The following MMP28 variants were observed in gnomAD, a reference collection of about 807,000 sequenced individuals.
The protein encoded by MMP28 is matrix metallopeptidase 28.
In MMP28, 55 loss-of-function variants were observed where a neutral mutation model predicts 60.5. The observed-to-expected ratio is 0.91, with a 90% CI of 0.73 to 1.14. The LOEUF (loss-of-function observed/expected upper bound fraction) is 1.14, where lower values mean the gene tolerates loss of function less well. Among genes scored for constraint, MMP28 ranks in the 50% most tolerant of loss-of-function variants. MMP28 has a pLI of 0.00. For missense variants in MMP28, 686 were observed against 738.3 expected (o/e 0.93, Z 0.82); for synonymous variants, 318 against 312.5 (o/e 1.02, Z -0.18).
intron 3 of MMP28, among the ~76,000 whole-genome samples, chr17:35,774,411 G>T (rs1386498373): frequency 6.6e-6 from 1 of 152,196 alleles, no homozygotes; most frequent in African/African-American, 2.4e-5. Context: ...CAAGGGGCCT[G>T]CCCAGGGTCC....
At chr17:35,778,743 C>T in intron 3 of MMP28, 145 bp downstream of exon 3, 1 of 1,516,334 alleles carries the variant, frequency 6.6e-7, no homozygotes, top group East Asian at 2.3e-5. Context: ...GTCCTCAAGC[C>T]AAGAGGTCCT....
intron 1 of MMP28, among the ~76,000 whole-genome samples, chr17:35,790,909 G>A (rs983871454): frequency 3.4e-5 from 5 of 146,126 alleles, no homozygotes; most frequent in African/African-American, 7.7e-5. Context: ...TTTTTTAAAT[G>A]TGTAGAGACA....
downstream of MMP28, among the ~76,000 whole-genome samples, chr17:35,763,115 C>A (rs2085856587): frequency 1.4e-5 from 2 of 139,820 alleles, no homozygotes; most frequent in South Asian, 4.7e-4. Context: ...GAGCGAGACT[C>A]CGTCTCCAAA....
chr17:35,792,212 T>C (rs2086834160), intron 1 of MMP28, among the ~76,000 whole-genome samples: 1 of 152,094 alleles, frequency 6.6e-6, no homozygotes, highest in African/African-American at 2.4e-5. Context: ...TCCCTCCCCT[T>C]GAACCTGGGA....
chr17:35,756,444 A>C, intron 2 of MMP28: 1 of 982,170 alleles, frequency 1.0e-6, no homozygotes, highest in Non-Finnish European at 1.2e-6. Context: ...AACAGAGAGG[A>C]CGGAATGCAC....
intron 1 of MMP28, among the ~76,000 whole-genome samples, chr17:35,787,412 G>A (rs1483314412): frequency 6.6e-6 from 1 of 152,108 alleles, no homozygotes; most frequent in Non-Finnish European, 1.5e-5. Context: ...TTTATTTTGG[G>A]TAAAGGCTTC....
downstream of MMP28, chr17:35,764,614 C>T (rs182240810): frequency 3.1e-4 from 489 of 1,579,140 alleles, 1 homozygote; most frequent in South Asian, 7.8e-4. Context: ...GCTGGGAACT[C>T]CTGAGCGCCC....
chr17:35,764,239 G>A (rs983643472), downstream of MMP28: 2 of 1,542,552 alleles, frequency 1.3e-6, no homozygotes, highest in Admixed American at 3.9e-5. Context: ...CCCAGCAGGT[G>A]GCGCTGCTGC....
At chr17:35,781,880 G>A (rs2086512941) in intron 1 of MMP28, among the ~76,000 whole-genome samples, 1 of 151,518 alleles carries the variant, frequency 6.6e-6, no homozygotes, top group Non-Finnish European at 1.5e-5. Context: ...ATGTTTTAGA[G>A]ATGGGGGTCT....
In MMP28 at chr17:35,766,470, A is replaced by G. The variant is rs1555603160; in HGVS notation, c.*30T>C. ...GGGAACATGATTTTGCCCTGAGAGC[A>G]CCACCAGTTTCTGAGGTGAGGAGGT... On this transcript the variant is annotated 3_prime_UTR_variant, in exon 8 of 8. Transcript: ENST00000605424. This position sits in a 1 kb window ranked among gnomAD's most constrained non-coding sequence, Gnocchi z 4.3. 2 of 1,544,748 alleles carry G rather than the reference A, an allele frequency of 1.3e-6. No homozygotes were observed. Among genetic ancestry groups the G allele is most frequent in the South Asian group, 1.2e-5 (1 of 83,888 alleles).
rs993645337 is a variant in MMP28, at chr17:35,756,969, G to A, written c.266-550C>T. On this transcript the variant is annotated intron_variant, in intron 2 of 2. Coordinates refer to the MMP28 transcript ENST00000615317. ...TCCCAGCACTTTAGGAAGCCAAGGC[G>A]GGCAGATCACTTGAGGTCAGGAGCT... Among the ~76,000 whole-genome samples, 7 of 151,810 alleles carry A rather than the reference G, an allele frequency of 4.6e-5. No homozygotes were observed. In the East Asian group the frequency reaches 5.9e-4, roughly 13 times the overall value.
At chr17:35,785,637 T>A (rs2086625184) in intron 1 of MMP28, among the ~76,000 whole-genome samples, 1 of 152,032 alleles carries the variant, frequency 6.6e-6, no homozygotes, top group South Asian at 2.1e-4. Flanking sequence ...TTAGTAGAGA[T>A]GGGGTTTCAC....
chr17:35,766,777 C>A lies in MMP28; in HGVS notation c.1286G>T (p.Arg429Leu), dbSNP rs773304036. ...DAALFFPPLR[R>L]LILFKGARYY... ...GCGGGCACCCTTGAAGAGGATGAGG[C>A]GGCGCAGAGGAGGGAAGAAGAGGGC... The change falls in exon 8 of 8, where the codon CGC becomes CTC. Residue 429 changes from arginine (R) to leucine (L), a missense_variant. By Grantham distance (102) the Arg-to-Leu change is moderately radical (BLOSUM62 -2). Coordinates refer to ENST00000605424, the MANE Select transcript of MMP28 (RefSeq NM_024302.5). The surrounding 1 kb of genome is among the most constrained non-coding windows in gnomAD (Gnocchi z 4.3). 4 of 1,575,644 alleles carry A rather than the reference C, an allele frequency of 2.5e-6. No homozygotes were observed. The highest frequency in any genetic ancestry group is 3.4e-6 in the Non-Finnish European group (4 of 1,161,560).
At position 35,795,354 on chromosome 17, in the gene MMP28, C is replaced by A; in HGVS notation, c.24G>T (p.Leu8=). Reference sequence around the variant, plus strand: ...ACAGTAGCAGCTGCAGGGCGCGCAGCAGGAGGCCGACGCGCGCGACCATCT... The same window carrying A: ...ACAGTAGCAGCTGCAGGGCGCGCAGAAGGAGGCCGACGCGCGCGACCATCT... MVARVGL[L]LRALQLLLWG... Residue 8 remains leucine (L), a synonymous_variant, in exon 1 of 8, where the codon CTG becomes CTT. Coordinates refer to ENST00000605424, the MANE Select transcript of MMP28 (RefSeq NM_024302.5). 3 of 1,451,910 alleles carry A rather than the reference C, an allele frequency of 2.1e-6. No individual in the cohort carries two copies. Among genetic ancestry groups the A allele is most frequent in the South Asian group, 2.7e-5 (2 of 73,412 alleles). The allele number at this position is 1,451,910 out of a possible 1,614,324, so 89.9% of individuals were successfully genotyped here.
chr17:35,780,387 G>A (rs1555609061), intron 1 of MMP28, among the ~76,000 whole-genome samples: 2 of 152,026 alleles, frequency 1.3e-5, no homozygotes, highest in African/African-American at 4.8e-5. Context: ...CTATATTAAA[G>A]GTCCTAGAAC....
chr17:35,764,196 T>C (rs367574463), downstream of MMP28: 96 of 1,547,890 alleles, frequency 6.2e-5, no homozygotes, highest in African/African-American at 1.2e-3. Flanking sequence ...CGGCGCTCAG[T>C]GTCCTACTGC....
At chr17:35,794,013 G>T (rs1213362246) in intron 1 of MMP28, among the ~76,000 whole-genome samples, 1 of 151,852 alleles carries the variant, frequency 6.6e-6, no homozygotes, top group African/African-American at 2.4e-5. Context: ...CAGGAGAATC[G>T]CTTGAACCCG....
intron 4 of MMP28, among the ~76,000 whole-genome samples, chr17:35,770,906 G>T (rs886624146): frequency 1.3e-5 from 2 of 152,102 alleles, no homozygotes; most frequent in African/African-American, 4.8e-5. Context: ...AAAAACATTA[G>T]CTAGGCGTGA....
intron 3 of MMP28, 76 bp from the exon 4 acceptor site, chr17:35,773,480 G>T (rs2086233067): frequency 3.0e-6 from 4 of 1,320,580 alleles, no homozygotes; most frequent in Non-Finnish European, 4.2e-6. Flanking sequence ...CAGTAGGATG[G>T]CGAGGGGTAG....
Sources: allele counts gnomAD v4.1 joint callset (sites outside exome capture counted in the v4.1 genomes callset), GRCh38; gene constraint gnomAD v4.1.1; non-coding constraint Gnocchi (gnomAD v3.1); transcripts MANE v1.5; gene names NCBI Gene and HGNC (gene_info 2026-07-23, HGNC 2026-07-21).